EXD2: variants seen among roughly 807,000 people sequenced by gnomAD.
EXD2 encodes the protein exonuclease 3'-5' domain-containing protein 2.
In EXD2, 40 loss-of-function variants were observed where a neutral mutation model predicts 62.5. The observed-to-expected ratio is 0.64, with a 90% CI of 0.50 to 0.83. EXD2 has a LOEUF of 0.83. Ranked by LOEUF, EXD2 falls within the 40% of genes least tolerant of loss-of-function variation. EXD2 has a pLI of 0.00. For missense variants in EXD2, 671 were observed against 761.8 expected (o/e 0.88, Z 1.40); for synonymous variants, 239 against 291.9 (o/e 0.82, Z 1.85).
chr14:69,213,054 G>A (rs10141579), intron 3 of EXD2, among the ~76,000 whole-genome samples: 7,920 of 148,762 alleles, frequency 0.053, 690 homozygotes, highest in African/African-American at 0.18. Context: ...ATTTACCAAA[G>A]TGTTTACCTT....
In EXD2 at chr14:69,237,915, G is replaced by A. The variant is rs750270069; in HGVS notation, c.1633G>A (p.Ala545Thr). The part of the protein sequence containing the change: ...VVTEEMLQEA[A>T]SLETRISNEN... Reference sequence around the variant, plus strand: ...CACAGAGGAGATGCTTCAAGAGGCTGCCAGCCTGGAGACCAGGTACAAAGC... The same window carrying A: ...CACAGAGGAGATGCTTCAAGAGGCTACCAGCCTGGAGACCAGGTACAAAGC... The change falls in exon 9 of 10, where the codon GCC becomes ACC. Residue 545 changes from alanine to threonine, a missense_variant. Coordinates refer to ENST00000685843, the MANE Select transcript of EXD2 (RefSeq NM_001193360.2). 2 of 1,563,076 alleles carry A rather than the reference G, an allele frequency of 1.3e-6. No homozygotes were observed. The highest frequency in any genetic ancestry group is 1.9e-5 in the Admixed American group (1 of 51,646).
At chr14:69,200,188 T>G in intron 1 of EXD2, among the ~76,000 whole-genome samples, 1 of 152,222 alleles carries the variant, frequency 6.6e-6, no homozygotes, top group South Asian at 2.1e-4. Flanking sequence ...TTGAACCCAG[T>G]ATATTCCAAG....
intron 3 of EXD2, among the ~76,000 whole-genome samples, chr14:69,216,959 T>C (rs1452644118): frequency 6.6e-6 from 1 of 152,134 alleles, no homozygotes; most frequent in Non-Finnish European, 1.5e-5. Flanking sequence ...TAACTGTAAT[T>C]ATATATTCTT....
chr14:69,228,115 A>G (rs1403564544), intron 3 of EXD2: 5 of 149,586 alleles, frequency 3.3e-5, no homozygotes, highest in African/African-American at 1.2e-4. Flanking sequence ...CGTGTACATT[A>G]GAGAGGCTGG....
At chr14:69,197,567 G>A (rs890705621) in intron 1 of EXD2, among the ~76,000 whole-genome samples, 6 of 151,902 alleles carry the variant, frequency 3.9e-5, no homozygotes, top group Non-Finnish European at 5.9e-5. Context: ...TTCAGCCTGC[G>A]GCCCCCTTCC....
chr14:69,229,155 G>A, intron 4 of EXD2, 83 bp downstream of exon 4: 2 of 1,531,458 alleles, frequency 1.3e-6, no homozygotes, highest in South Asian at 2.5e-5. Flanking sequence ...GGACTCAATA[G>A]TGAGACATGT....
intron 1 of EXD2, among the ~76,000 whole-genome samples, chr14:69,200,724 T>TAAA (rs1343389508): frequency 6.8e-6 from 1 of 146,008 alleles, no homozygotes; most frequent in Admixed American, 6.9e-5. Context: ...AAAAAAAGGC[T>TAAA]AAAATGGTAA....
chr14:69,221,687 G>A (rs904728079), intron 3 of EXD2, among the ~76,000 whole-genome samples: 7 of 151,828 alleles, frequency 4.6e-5, no homozygotes, highest in Admixed American at 2.6e-4. Context: ...AGGATGGCTT[G>A]GGCCCAGGAG....
At position 69,241,279 on chromosome 14, in the gene EXD2, T is replaced by C; in HGVS notation, c.*179T>C. 3.4e-6 allele frequency: 2 copies of C among 594,052 alleles called. No individual in the cohort carries two copies. The highest frequency in any genetic ancestry group is 3.0e-5 in the Admixed American group (1 of 32,804). 36.8% of individuals were successfully genotyped at this position (594,052 alleles called of 1,614,324 possible). On this transcript the variant is annotated 3_prime_UTR_variant, in exon 10 of 10. Transcript: ENST00000685843. ...CAAAGATATTGTTTGAAGGAGAGTTTATGGTTTTGGATTTTAAACGGGCAG... is the reference window on the plus strand; with the variant it reads ...CAAAGATATTGTTTGAAGGAGAGTTCATGGTTTTGGATTTTAAACGGGCAG...
At chr14:69,230,321 T>A (rs1389663429) in intron 4 of EXD2, 151 bp from the exon 5 acceptor site, 1 of 576,356 alleles carries the variant, frequency 1.7e-6, no homozygotes, top group Non-Finnish European at 3.1e-6. Flanking sequence ...ATAAAGTGTT[T>A]CACAAATAGA....
At chr14:69,220,886 A>G (rs188088599) in intron 3 of EXD2, among the ~76,000 whole-genome samples, 19 of 152,148 alleles carry the variant, frequency 1.2e-4, no homozygotes, top group Non-Finnish European at 2.2e-4. Context: ...TCAATCAATA[A>G]GAGATAGAGT....
At chr14:69,199,936 A>G (rs2042334952) in intron 1 of EXD2, among the ~76,000 whole-genome samples, 1 of 152,246 alleles carries the variant, frequency 6.6e-6, no homozygotes, top group African/African-American at 2.4e-5. Context: ...GGTATGTGCT[A>G]TACATAATTG....
chr14:69,198,951 G>C (rs1338034555), intron 1 of EXD2, among the ~76,000 whole-genome samples: 1 of 152,188 alleles, frequency 6.6e-6, no homozygotes, highest in Non-Finnish European at 1.5e-5. Flanking sequence ...TGGTATAAAA[G>C]CTAAACAGTG....
At chr14:69,227,801 T>G (rs1001958086) in intron 3 of EXD2, 1 of 152,234 alleles carries the variant, frequency 6.6e-6, no homozygotes, top group East Asian at 1.9e-4. Context: ...GCCACTGCAC[T>G]CAAGCCTGGG....
At chr14:69,192,922 A>G (rs1207526881) in intron 1 of EXD2, among the ~76,000 whole-genome samples, 2 of 151,866 alleles carry the variant, frequency 1.3e-5, no homozygotes, top group African/African-American at 4.8e-5. Context: ...CTTCCCACAC[A>G]CCTCTGTGAG....
At chr14:69,228,555 G>A (rs980076704) in intron 3 of EXD2, among the ~76,000 whole-genome samples, 29 of 152,230 alleles carry the variant, frequency 1.9e-4, no homozygotes, top group African/African-American at 6.5e-4. Flanking sequence ...GAGCTCCCCT[G>A]TGTCGGCTGG....
chr14:69,211,369 T>G (rs935240888), intron 3 of EXD2, among the ~76,000 whole-genome samples: 7 of 151,562 alleles, frequency 4.6e-5, no homozygotes, highest in African/African-American at 1.7e-4. Flanking sequence ...TAATAACATC[T>G]TCAGGTTCCA....
chr14:69,194,168 T>A (rs1409678225), intron 1 of EXD2, among the ~76,000 whole-genome samples: 1 of 149,896 alleles, frequency 6.7e-6, no homozygotes, highest in Non-Finnish European at 1.5e-5. Context: ...AGTCAGAGTC[T>A]CGCTGTGTCG....
chr14:69,238,606 TTTTTTTTTTTCCAAATAGTTTTGTGG>T, intron 9 of EXD2, among the ~76,000 whole-genome samples: 1 of 152,114 alleles, frequency 6.6e-6, no homozygotes, highest in South Asian at 2.1e-4. Flanking sequence ...ATAGTTTTTT[TTTTTTTTTTTCCAAATAGTTTTGTGG>T]TTTTTTTGTT....
Sources: allele counts gnomAD v4.1 joint callset (sites outside exome capture counted in the v4.1 genomes callset), GRCh38; gene constraint gnomAD v4.1.1; transcripts MANE v1.5; gene names NCBI Gene and HGNC (gene_info 2026-07-23, HGNC 2026-07-21).